NELL1: variants seen among roughly 807,000 people sequenced by gnomAD.
NELL1 encodes protein kinase C-binding protein NELL1.
NELL1 carries 76 observed loss-of-function variants against 107.4 expected under a neutral mutation model. The ratio of observed to expected loss-of-function variants is 0.71; its 90% confidence interval spans 0.59 to 0.86. The LOEUF (loss-of-function observed/expected upper bound fraction) is 0.86, where lower values mean the gene tolerates loss of function less well. Ranked by LOEUF, NELL1 falls within the 40% of genes least tolerant of loss-of-function variation. The probability of loss-of-function intolerance (pLI) is 0.00; values close to 1 mark genes in which losing one functional copy is unlikely to be tolerated. For missense variants in NELL1, 1,024 were observed against 1,005.5 expected, an observed-to-expected ratio of 1.02 and a Z score of -0.25; for synonymous variants, 353 against 341.2, an observed-to-expected ratio of 1.03 and a Z score of -0.38.
chr11:21,497,004 A>C (rs977528481), intron 15 of NELL1, among the ~76,000 whole-genome samples: 7 of 151,702 alleles, frequency 4.6e-5, no homozygotes, highest in Admixed American at 6.6e-5. Flanking sequence ...TATGTGCCAC[A>C]TTTTCTTAAT....
intron 11 of NELL1, among the ~76,000 whole-genome samples, chr11:20,951,874 C>T (rs1305832532): frequency 6.6e-6 from 1 of 152,058 alleles, no homozygotes; most frequent in Non-Finnish European, 1.5e-5. Context: ...CTCCTCTTTA[C>T]CTTGAGGTAA....
intron 15 of NELL1, among the ~76,000 whole-genome samples, chr11:21,431,686 C>T (rs995745284): frequency 6.6e-6 from 1 of 152,190 alleles, no homozygotes; most frequent in African/African-American, 2.4e-5. Flanking sequence ...GAAGTAGTCT[C>T]CGTTTGTGTT....
intron 17 of NELL1, 33 bp from the exon 18 acceptor site, chr11:21,570,731 T>G: frequency 6.3e-7 from 1 of 1,599,944 alleles, no homozygotes. Flanking sequence ...ATGTCCTAAA[T>G]GATGAAACCT....
At chr11:21,090,611 C>A (rs949279343) in intron 12 of NELL1, among the ~76,000 whole-genome samples, 8 of 152,144 alleles carry the variant, frequency 5.3e-5, no homozygotes, top group African/African-American at 1.9e-4. Flanking sequence ...GGGTTGAGAA[C>A]AATGCCATAA....
chr11:21,475,948 C>T (rs1161858490), intron 15 of NELL1, among the ~76,000 whole-genome samples: 1 of 152,134 alleles, frequency 6.6e-6, no homozygotes, highest in East Asian at 1.9e-4. Context: ...TTTCTTAGTA[C>T]TTCTATTACT....
intron 13 of NELL1, among the ~76,000 whole-genome samples, chr11:21,195,223 T>A (rs1030684823): frequency 2.6e-5 from 4 of 152,188 alleles, no homozygotes; most frequent in Non-Finnish European, 5.9e-5. Context: ...TATTCCCATA[T>A]GAGAATAAGC....
At chr11:21,404,005 A>ACT (rs756502564) in intron 15 of NELL1, among the ~76,000 whole-genome samples, 2 of 50,906 alleles carry the variant, frequency 3.9e-5, no homozygotes, top group Admixed American at 3.1e-4. Flanking sequence ...TCATTCCTGA[A>ACT]CCCCCCCCCC....
At chr11:21,140,700 ATTG>A (rs1313472205) in intron 13 of NELL1, among the ~76,000 whole-genome samples, 1 of 152,172 alleles carries the variant, frequency 6.6e-6, no homozygotes, top group African/African-American at 2.4e-5. Context: ...GGGAATTAAA[ATTG>A]TTTAGATTCT....
chr11:21,364,206 C>G (rs986790861), intron 14 of NELL1, among the ~76,000 whole-genome samples: 1 of 151,728 alleles, frequency 6.6e-6, no homozygotes, highest in African/African-American at 2.4e-5. Flanking sequence ...GTCAGGAGAT[C>G]GAGACCATCC....
At chr11:21,010,760 A>T (rs556176382) in intron 12 of NELL1, among the ~76,000 whole-genome samples, 94 of 152,218 alleles carry the variant, frequency 6.2e-4, no homozygotes, top group African/African-American at 2.2e-3. Context: ...TTACTAGGGA[A>T]TTTTTAAGGC....
At chr11:21,167,616 T>G (rs1433912167) in intron 13 of NELL1, among the ~76,000 whole-genome samples, 1 of 151,920 alleles carries the variant, frequency 6.6e-6, no homozygotes, top group Non-Finnish European at 1.5e-5. Context: ...TTATTATAGT[T>G]GCACTCAAGA....
intron 15 of NELL1, among the ~76,000 whole-genome samples, chr11:21,446,882 C>G (rs1853445732): frequency 6.6e-6 from 1 of 152,226 alleles, no homozygotes; most frequent in South Asian, 2.1e-4. Context: ...CATGTCCCAG[C>G]TTGGTCCAGA....
intron 14 of NELL1, among the ~76,000 whole-genome samples, chr11:21,293,188 G>C (rs1364024440): frequency 1.3e-5 from 2 of 151,816 alleles, no homozygotes; most frequent in East Asian, 3.9e-4. Flanking sequence ...TCTGACAAAG[G>C]GCTAATATCC....
chr11:20,959,492 A>G (rs1021990018), intron 11 of NELL1, among the ~76,000 whole-genome samples: 1 of 152,188 alleles, frequency 6.6e-6, no homozygotes, highest in African/African-American at 2.4e-5. Context: ...CAGCAATAAA[A>G]AGGAATGAAT....
At chr11:21,363,203 C>T (rs909839037) in intron 14 of NELL1, among the ~76,000 whole-genome samples, 4 of 152,176 alleles carry the variant, frequency 2.6e-5, no homozygotes, top group Non-Finnish European at 5.9e-5. Flanking sequence ...TGGTTGCCTG[C>T]CCCGAGGTCC....
At position 21,525,565 on chromosome 11, in the gene NELL1, T is replaced by C. The variant is rs933444923; in HGVS notation, c.1646-8809T>C. ...CCCAAAGCTAAGGTCTCCCATATTC[T>C]AGAATATTAAAAGTAGCTGTTTTTG... is the stretch of plus-strand genomic sequence containing the variant. On this transcript the variant is annotated intron_variant, in intron 15 of 19. Coordinates refer to ENST00000357134, the MANE Select transcript of NELL1 (RefSeq NM_006157.5). 3.3e-5 allele frequency among the ~76,000 whole-genome samples: 5 copies of C among 152,326 alleles called. No individual in the cohort carries two copies. The South Asian group carries it at 1.0e-3, about 32-fold the overall frequency.
At chr11:21,007,362 T>C (rs1031609522) in intron 12 of NELL1, among the ~76,000 whole-genome samples, 3 of 150,268 alleles carry the variant, frequency 2.0e-5, no homozygotes, top group Admixed American at 2.0e-4. Context: ...TCACAACCAA[T>C]GTGTATGTGT....
At chr11:21,367,103 C>T (rs1332922416) in intron 14 of NELL1, among the ~76,000 whole-genome samples, 5 of 151,962 alleles carry the variant, frequency 3.3e-5, no homozygotes, top group African/African-American at 1.2e-4. Context: ...GAACCTCTCT[C>T]AAATATGAAT....
chr11:21,091,675 TTTTAAATGTTATTCAGCCCACA>T (rs1854524847), intron 12 of NELL1, among the ~76,000 whole-genome samples: 1 of 152,188 alleles, frequency 6.6e-6, no homozygotes, highest in Admixed American at 6.6e-5. Flanking sequence ...AGTCATTTGT[TTTTAAATGTTATTCAGCCCACA>T]TTCGATACTA....
Sources: gnomAD v4.1 joint callset for allele counts (sites outside exome capture counted in the v4.1 genomes callset) on GRCh38, gnomAD v4.1.1 for gene constraint, MANE v1.5 for transcripts, NCBI Gene and HGNC (gene_info 2026-07-23, HGNC 2026-07-21) for gene names.